Variants in PINX1 observed in about 807,000 individuals in gnomAD.
PINX1 encodes the protein PIN2 (TERF1) interacting telomerase inhibitor 1, also known as PIN2/TERF1-interacting telomerase inhibitor 1.
In PINX1, 34 loss-of-function variants were observed where a neutral mutation model predicts 25.4. The observed-to-expected ratio is 1.34, with a 90% CI of 1.02 to 1.78. The LOEUF (loss-of-function observed/expected upper bound fraction) is 1.78. Ranked by LOEUF, PINX1 falls within the 40% of genes most tolerant of loss-of-function variation. PINX1 has a pLI of 0.00. For missense variants in PINX1, 592 were observed against 404.9 expected (o/e 1.46, Z -3.97); for synonymous variants, 197 against 147.7 (o/e 1.33, Z -2.42).
At position 10,790,556 on chromosome 8, in the gene PINX1, G is replaced by T. The variant is rs999601109; in HGVS notation, c.472-24640C>A. On this transcript the variant is annotated intron_variant, in intron 6 of 6. Coordinates refer to ENST00000314787, the MANE Select transcript of PINX1 (RefSeq NM_017884.6). ...ATCCAAGCTGTCGGAGCCTCAACTGGTCCATACTGTCAGCCCCCAATCCCA... is the reference window on the plus strand; with the variant it reads ...ATCCAAGCTGTCGGAGCCTCAACTGTTCCATACTGTCAGCCCCCAATCCCA... Among the ~76,000 whole-genome samples, 12 of 152,202 alleles carry T rather than the reference G, an allele frequency of 7.9e-5. No homozygotes were observed. The East Asian group carries it at 2.3e-3, about 30-fold the overall frequency.
In PINX1 at chr8:10,834,653, T is replaced by C; in HGVS notation, c.129+13A>G. 1 of 1,610,756 alleles carries C rather than the reference T, an allele frequency of 6.2e-7. No homozygotes were observed. The highest frequency in any genetic ancestry group is 1.1e-5 in the South Asian group (1 of 89,980). Reference sequence around the variant, plus strand: ...TCATAGCTCAGATTTTTTTCCGCTTTTCTCCAAAATACCTTTCCTTTAGAC... The same window carrying C: ...TCATAGCTCAGATTTTTTTCCGCTTCTCTCCAAAATACCTTTCCTTTAGAC... On this transcript the variant is annotated intron_variant, in intron 2 of 6. Coordinates refer to ENST00000314787, the MANE Select transcript of PINX1 (RefSeq NM_017884.6).
chr8:10,766,624 C>T (rs997255376), intron 6 of PINX1, among the ~76,000 whole-genome samples: 34 of 152,114 alleles, frequency 2.2e-4, no homozygotes, highest in African/African-American at 8.0e-4. Context: ...AGAAATGCCC[C>T]CTCCTTCCCT....
intron 6 of PINX1, among the ~76,000 whole-genome samples, chr8:10,818,677 T>C (rs1358167504): frequency 6.6e-6 from 1 of 151,834 alleles, no homozygotes; most frequent in Non-Finnish European, 1.5e-5. Context: ...CCCACGGGGC[T>C]GGGGAGATGG....
chr8:10,803,200 C>A (rs1448067167), intron 6 of PINX1, among the ~76,000 whole-genome samples: 1 of 152,150 alleles, frequency 6.6e-6, no homozygotes, highest in Non-Finnish European at 1.5e-5. Context: ...TTGTTCTTTG[C>A]TGAAATATTT....
At chr8:10,836,552 A>G (rs1294344671) in intron 1 of PINX1, among the ~76,000 whole-genome samples, 1 of 152,212 alleles carries the variant, frequency 6.6e-6, no homozygotes, top group Non-Finnish European at 1.5e-5. Context: ...CACGCTTCAC[A>G]TTACCTACTT....
At chr8:10,802,474 T>C (rs958139657) in intron 6 of PINX1, among the ~76,000 whole-genome samples, 1 of 152,238 alleles carries the variant, frequency 6.6e-6, no homozygotes, top group African/African-American at 2.4e-5. Context: ...CTCCACTCCA[T>C]CATCTTATGA....
chr8:10,774,445 C>T (rs1801325289), intron 6 of PINX1, among the ~76,000 whole-genome samples: 1 of 152,098 alleles, frequency 6.6e-6, no homozygotes. Context: ...CCACGCCCAG[C>T]TAATTTTGTA....
chr8:10,820,799 T>A (rs879897407), intron 5 of PINX1, among the ~76,000 whole-genome samples: 11 of 152,174 alleles, frequency 7.2e-5, no homozygotes, highest in Non-Finnish European at 1.3e-4. Flanking sequence ...TTTAAAAGAA[T>A]ATATGTAAAT....
intron 6 of PINX1, among the ~76,000 whole-genome samples, chr8:10,795,468 T>C (rs12056936): frequency 9.2e-5 from 14 of 152,098 alleles, no homozygotes; most frequent in African/African-American, 3.4e-4. Context: ...TGGCGCGATC[T>C]CGGCTCAGTG....
At chr8:10,820,340 G>T in intron 5 of PINX1, 71 bp from the exon 6 acceptor site, 2 of 1,036,578 alleles carry the variant, frequency 1.9e-6, no homozygotes, top group Non-Finnish European at 3.0e-6. Flanking sequence ...CATGAACTAT[G>T]CAGCACCTCA....
intron 6 of PINX1, among the ~76,000 whole-genome samples, chr8:10,776,515 C>T (rs762968983): frequency 6.6e-6 from 1 of 152,124 alleles, no homozygotes; most frequent in Non-Finnish European, 1.5e-5. Context: ...ATTCTTAACA[C>T]TGTCATTAAC....
chr8:10,777,349 C>T (rs959529403), intron 6 of PINX1, among the ~76,000 whole-genome samples: 1 of 152,232 alleles, frequency 6.6e-6, no homozygotes, highest in Admixed American at 6.5e-5. Flanking sequence ...GCCCAAGCCC[C>T]GTTTGAAGTC....
chr8:10,798,145 G>A (rs1490238084), intron 6 of PINX1, among the ~76,000 whole-genome samples: 1 of 152,246 alleles, frequency 6.6e-6, no homozygotes, highest in Non-Finnish European at 1.5e-5. Flanking sequence ...CGGGTAGGCT[G>A]CCTTTGAATA....
chr8:10,777,839 G>C (rs904423966), intron 6 of PINX1, among the ~76,000 whole-genome samples: 3 of 152,170 alleles, frequency 2.0e-5, no homozygotes, highest in Non-Finnish European at 4.4e-5. Flanking sequence ...GCACAGGATG[G>C]ATCTGCTATC....
chr8:10,836,700 G>C (rs1404898571), intron 1 of PINX1, among the ~76,000 whole-genome samples: 1 of 150,234 alleles, frequency 6.7e-6, no homozygotes, highest in Non-Finnish European at 1.5e-5. Context: ...GGGGCGGGGG[G>C]TGGCAGTTTC....
chr8:10,802,270 C>T (rs552417367), intron 6 of PINX1, among the ~76,000 whole-genome samples: 1 of 152,324 alleles, frequency 6.6e-6, no homozygotes, highest in Non-Finnish European at 1.5e-5. Flanking sequence ...CTGACCGCAC[C>T]TGGGGAACAA....
chr8:10,817,983 C>G (rs912457910), intron 6 of PINX1, among the ~76,000 whole-genome samples: 5 of 152,046 alleles, frequency 3.3e-5, no homozygotes, highest in Non-Finnish European at 5.9e-5. Context: ...ATACCTGGAC[C>G]CTGACCGAAG....
chr8:10,829,684 T>C (rs1798167592), intron 4 of PINX1, among the ~76,000 whole-genome samples: 1 of 135,894 alleles, frequency 7.4e-6, no homozygotes, highest in Non-Finnish European at 1.6e-5. Context: ...CTTACATTCT[T>C]ACATTCTTTT....
intron 6 of PINX1, among the ~76,000 whole-genome samples, chr8:10,772,399 G>A (rs749032500): frequency 5.3e-5 from 8 of 152,220 alleles, no homozygotes; most frequent in Admixed American, 3.9e-4. Flanking sequence ...CCACTATGGC[G>A]GGCGGCCCTG....
Sources: allele counts gnomAD v4.1 joint callset (sites outside exome capture counted in the v4.1 genomes callset), GRCh38; gene constraint gnomAD v4.1.1; transcripts MANE v1.5; gene names NCBI Gene and HGNC (gene_info 2026-07-23, HGNC 2026-07-21).